The following ENTREP2 variants were observed in gnomAD, a reference collection of about 807,000 sequenced individuals.
ENTREP2 encodes endosomal transmembrane epsin interactor 2.
chr15:29,665,091 G>A, the ENTREP2 span, among the ~76,000 whole-genome samples: 3 of 152,200 alleles, frequency 2.0e-5, no homozygotes, highest in Non-Finnish European at 2.9e-5. Context: ...CACACCTGGG[G>A]AGTTCATGGC....
chr15:29,480,377 C>T, the ENTREP2 span, among the ~76,000 whole-genome samples: 1 of 127,724 alleles, frequency 7.8e-6, no homozygotes. Context: ...CCCACAAATG[C>T]ACACTGAGAA....
At chr15:29,257,376 T>G in the ENTREP2 span, among the ~76,000 whole-genome samples, 6 of 152,126 alleles carry the variant, frequency 3.9e-5, no homozygotes, top group Admixed American at 3.3e-4. Context: ...CCAGGCCAAA[T>G]CACAATTTAT....
chr15:29,273,199 C>CTTTTT, the ENTREP2 span, among the ~76,000 whole-genome samples: 4 of 133,826 alleles, frequency 3.0e-5, no homozygotes, highest in African/African-American at 8.8e-5. Flanking sequence ...ATAAATTAAA[C>CTTTTT]TTTTTTTTTT....
chr15:29,486,589 C>T, the ENTREP2 span, among the ~76,000 whole-genome samples: 2 of 152,134 alleles, frequency 1.3e-5, no homozygotes, highest in African/African-American at 4.8e-5. Context: ...ACTCAGGAGG[C>T]AGAGGCAAGA....
the ENTREP2 span, among the ~76,000 whole-genome samples, chr15:29,236,693 A>C: frequency 2.0e-5 from 3 of 152,152 alleles, no homozygotes; most frequent in Non-Finnish European, 4.4e-5. Flanking sequence ...ATAGCATTAA[A>C]ATTCTCCAAA....
the ENTREP2 span, chr15:29,613,587 T>C: frequency 4.9e-6 from 1 of 202,220 alleles, no homozygotes; most frequent in Non-Finnish European, 1.0e-5. Flanking sequence ...CCCCTCCCCA[T>C]CCATCCACTG....
the ENTREP2 span, among the ~76,000 whole-genome samples, chr15:29,145,335 C>T: frequency 6.6e-6 from 1 of 151,794 alleles, no homozygotes; most frequent in African/African-American, 2.4e-5. Flanking sequence ...TAAAAAAGAC[C>T]CAACAGGCTG....
the ENTREP2 span, among the ~76,000 whole-genome samples, chr15:29,443,676 C>T: frequency 3.3e-5 from 5 of 151,964 alleles, no homozygotes; most frequent in African/African-American, 9.7e-5. Context: ...GTAGGGTCTG[C>T]GGCCTGGGCT....
At chr15:29,313,223 A>T in the ENTREP2 span, among the ~76,000 whole-genome samples, 1 of 152,250 alleles carries the variant, frequency 6.6e-6, no homozygotes, top group Non-Finnish European at 1.5e-5. Context: ...AAATGCTGAT[A>T]ACCTGCAAGT....
chr15:29,271,488 G>A, the ENTREP2 span, among the ~76,000 whole-genome samples: 1 of 152,216 alleles, frequency 6.6e-6, no homozygotes, highest in African/African-American at 2.4e-5. Flanking sequence ...CCCAGCGCCA[G>A]GCCCAAAACC....
chr15:29,190,367 A>T, the ENTREP2 span, among the ~76,000 whole-genome samples: 11 of 152,164 alleles, frequency 7.2e-5, no homozygotes. Context: ...GCTAAAAAAA[A>T]AAAACAGAGA....
chr15:29,224,424 G>A, the ENTREP2 span, among the ~76,000 whole-genome samples: 4 of 152,078 alleles, frequency 2.6e-5, no homozygotes, highest in South Asian at 2.1e-4. Context: ...CGGGCAGCCC[G>A]CTTTTAGTCT....
At chr15:29,587,765 C>T in the ENTREP2 span, among the ~76,000 whole-genome samples, 5 of 152,098 alleles carry the variant, frequency 3.3e-5, no homozygotes, top group Non-Finnish European at 7.4e-5. Flanking sequence ...TTCAAGCAAT[C>T]TGCTGGCCTC....
the ENTREP2 span, among the ~76,000 whole-genome samples, chr15:29,222,741 C>T: frequency 1.3e-5 from 2 of 152,172 alleles, no homozygotes; most frequent in African/African-American, 4.8e-5. Context: ...CGAGGGGGCC[C>T]TGCAGGGCCA....
At chr15:29,432,589 C>G in the ENTREP2 span, among the ~76,000 whole-genome samples, 2 of 152,214 alleles carry the variant, frequency 1.3e-5, no homozygotes, top group Non-Finnish European at 2.9e-5. Flanking sequence ...GATCAGGACC[C>G]TGGGTCCCCA....
the ENTREP2 span, among the ~76,000 whole-genome samples, chr15:29,417,312 G>C: frequency 1.5e-4 from 23 of 152,306 alleles, no homozygotes; most frequent in African/African-American, 5.3e-4. Flanking sequence ...ATACTATGCA[G>C]CCATAAAAAA....
the ENTREP2 span, among the ~76,000 whole-genome samples, chr15:29,308,012 A>C: frequency 6.6e-6 from 1 of 152,260 alleles, no homozygotes; most frequent in African/African-American, 2.4e-5. Flanking sequence ...AATGTCAACA[A>C]ATAAGTAATA....
At chr15:29,580,897 A>G in the ENTREP2 span, among the ~76,000 whole-genome samples, 1 of 152,210 alleles carries the variant, frequency 6.6e-6, no homozygotes, top group Non-Finnish European at 1.5e-5. Context: ...TTAAGAAAGT[A>G]TTTAAAATGC....
At chr15:29,180,865 TA>T in the ENTREP2 span, among the ~76,000 whole-genome samples, 1 of 151,570 alleles carries the variant, frequency 6.6e-6, no homozygotes, top group Non-Finnish European at 1.5e-5. Flanking sequence ...TTTGCCTGCT[TA>T]TATGAGGAAG....
Sources: gnomAD v4.1 joint callset for allele counts (sites outside exome capture counted in the v4.1 genomes callset) on GRCh38, gnomAD v4.1.1 for gene constraint, MANE v1.5 for transcripts, NCBI Gene and HGNC (gene_info 2026-07-23, HGNC 2026-07-21) for gene names.